CDKAL1: variants seen among roughly 807,000 people sequenced by gnomAD.
CDKAL1 encodes the protein CDKAL1 threonylcarbamoyladenosine tRNA methylthiotransferase.
In CDKAL1, 32 loss-of-function variants were observed where a neutral mutation model predicts 68.2. That is an observed-to-expected ratio of 0.47 (90% confidence interval 0.35 to 0.63). The LOEUF is 0.63. Among genes scored for constraint, CDKAL1 ranks in the 30% least tolerant of loss-of-function variants. The pLI, the probability that CDKAL1 is intolerant of heterozygous loss-of-function variation, is 0.00. For synonymous variants in CDKAL1, 234 were observed against 244.3 expected (o/e 0.96, Z 0.39); for missense variants, 606 against 696.7 (o/e 0.87, Z 1.47).
At chr6:20,545,904 TTCA>T (rs539482782) in intron 2 of CDKAL1, among the ~76,000 whole-genome samples, 94 of 152,380 alleles carry the variant, frequency 6.2e-4, no homozygotes, top group African/African-American at 2.1e-3. Context: ...TAATAACTTC[TTCA>T]TATTATCTAA....
intron 12 of CDKAL1, among the ~76,000 whole-genome samples, chr6:21,093,296 T>C (rs1773140067): frequency 6.6e-6 from 1 of 152,216 alleles, no homozygotes; most frequent in Non-Finnish European, 1.5e-5. Context: ...ATGCTTTTCA[T>C]CCTAGGATTT....
intron 4 of CDKAL1, among the ~76,000 whole-genome samples, chr6:20,609,246 T>C (rs72830649): frequency 0.11 from 13,612 of 119,298 alleles, 744 homozygotes; most frequent in Non-Finnish European, 0.13. Context: ...CTTCCTTCCT[T>C]CTTCTTCCTC....
chr6:20,836,037 G>A (rs1002240658), intron 8 of CDKAL1, among the ~76,000 whole-genome samples: 8 of 152,046 alleles, frequency 5.3e-5, no homozygotes, highest in Admixed American at 2.0e-4. Flanking sequence ...AGGGACCCAT[G>A]GGTTTCTGCT....
At chr6:20,677,510 C>T (rs113029623) in intron 5 of CDKAL1, among the ~76,000 whole-genome samples, 2,466 of 152,166 alleles carry the variant, frequency 0.016, 69 homozygotes, top group African/African-American at 0.057. Flanking sequence ...CCTCCACCTC[C>T]CAGGTTCAAG....
intron 4 of CDKAL1, among the ~76,000 whole-genome samples, chr6:20,616,261 C>T (rs1417444999): frequency 1.3e-5 from 2 of 151,976 alleles, no homozygotes; most frequent in East Asian, 1.9e-4. Context: ...CTTGGCGATG[C>T]GGGCTCTTTT....
At chr6:20,548,464 T>C (rs547026161) in intron 3 of CDKAL1, 129 bp from the exon 4 acceptor site, 1 of 640,134 alleles carries the variant, frequency 1.6e-6, no homozygotes, top group East Asian at 2.9e-5. Context: ...GCCTGGGAGG[T>C]TGAGGTTGCA....
At chr6:20,877,806 C>G (rs1026691428) in intron 9 of CDKAL1, among the ~76,000 whole-genome samples, 1 of 152,172 alleles carries the variant, frequency 6.6e-6, no homozygotes, top group Non-Finnish European at 1.5e-5. Context: ...CTTAAAATGT[C>G]TGTAGTTGGC....
chr6:20,605,476 T>G (rs949443169), intron 4 of CDKAL1, among the ~76,000 whole-genome samples: 51 of 152,352 alleles, frequency 3.3e-4, no homozygotes, highest in Non-Finnish European at 7.2e-4. Flanking sequence ...CTCCAATTTT[T>G]CTTCTCATTA....
At chr6:21,087,169 G>A (rs758073457) in intron 12 of CDKAL1, among the ~76,000 whole-genome samples, 1 of 152,140 alleles carries the variant, frequency 6.6e-6, no homozygotes, top group Non-Finnish European at 1.5e-5. Flanking sequence ...TCCAAAGACC[G>A]AGCAAGGGAT....
chr6:20,717,308 T>A (rs965863191), intron 5 of CDKAL1, among the ~76,000 whole-genome samples: 1 of 151,852 alleles, frequency 6.6e-6, no homozygotes, highest in Non-Finnish European at 1.5e-5. Context: ...TACATGCGTA[T>A]ATTTATGCTA....
At chr6:20,598,601 A>T (rs1427198634) in intron 4 of CDKAL1, among the ~76,000 whole-genome samples, 1 of 152,176 alleles carries the variant, frequency 6.6e-6, no homozygotes, top group Non-Finnish European at 1.5e-5. Context: ...AGAGATATCT[A>T]TTGTGTTCAT....
In CDKAL1 at chr6:21,156,801, G is replaced by A. The variant is rs147273998; in HGVS notation, c.1300-41220G>A. On this transcript the variant is annotated intron_variant, in intron 13 of 15. Coordinates refer to ENST00000274695, the MANE Select transcript of CDKAL1 (RefSeq NM_017774.3). Reference sequence around the variant, plus strand: ...GAGAGGTGCAGAGAGATCCCTAGGAGCAAGACTGGTGTGCATGCTGCTGTG... The same window carrying A: ...GAGAGGTGCAGAGAGATCCCTAGGAACAAGACTGGTGTGCATGCTGCTGTG... Among the ~76,000 whole-genome samples the A allele has an allele frequency of 2.1e-3, 322 of 152,196 alleles. 2 individuals carry two copies. Among genetic ancestry groups the A allele is most frequent in the African/African-American group, 7.5e-3 (313 of 41,542 alleles).
In CDKAL1 at chr6:21,114,115, G is replaced by T. The variant is rs576688330; in HGVS notation, c.1299+5652G>T. Among the ~76,000 whole-genome samples the T allele has an allele frequency of 1.1e-3, 173 of 151,906 alleles. 1 individual carries two copies. The highest frequency in any genetic ancestry group is 3.9e-3 in the African/African-American group (163 of 41,450). On this transcript the variant is annotated intron_variant, in intron 13 of 15. Coordinates refer to ENST00000274695, the MANE Select transcript of CDKAL1 (RefSeq NM_017774.3). ...CAGAAAAAATTAGCCGGGCGTGGTGGCCGGCGCCTGTAGTCCCCGCTACTC... is the reference window on the plus strand; with the variant it reads ...CAGAAAAAATTAGCCGGGCGTGGTGTCCGGCGCCTGTAGTCCCCGCTACTC...
chr6:20,799,040 G>GGT (rs772767946), intron 8 of CDKAL1, among the ~76,000 whole-genome samples: 14 of 47,506 alleles, frequency 2.9e-4, no homozygotes, highest in East Asian at 2.5e-3. Context: ...AAAGAACTGA[G>GGT]TTTTTTTTTT....
At chr6:20,657,828 C>G (rs940772346) in intron 5 of CDKAL1, among the ~76,000 whole-genome samples, 1 of 152,022 alleles carries the variant, frequency 6.6e-6, no homozygotes, top group Non-Finnish European at 1.5e-5. Context: ...GCCTTTTCAC[C>G]TTAGAAATCT....
chr6:21,112,927 T>A (rs1237752636), intron 13 of CDKAL1, among the ~76,000 whole-genome samples: 1 of 152,214 alleles, frequency 6.6e-6, no homozygotes, highest in East Asian at 1.9e-4. Context: ...AATCTTTTTT[T>A]AAAACAAATC....
chr6:20,958,236 T>G (rs1319799291), intron 10 of CDKAL1, among the ~76,000 whole-genome samples: 1 of 152,128 alleles, frequency 6.6e-6, no homozygotes, highest in African/African-American at 2.4e-5. Context: ...AACAAAGATA[T>G]GCAAGAATCA....
intron 10 of CDKAL1, among the ~76,000 whole-genome samples, chr6:20,980,974 G>A (rs1581956605): frequency 6.6e-6 from 1 of 152,322 alleles, no homozygotes; most frequent in South Asian, 2.1e-4. Flanking sequence ...ATAGTGCAAA[G>A]TTACACTCAA....
chr6:21,123,851 A>G (rs1774851547), intron 13 of CDKAL1, among the ~76,000 whole-genome samples: 3 of 152,368 alleles, frequency 2.0e-5, no homozygotes, highest in South Asian at 2.1e-4. Context: ...AAATACTATC[A>G]CAGTCTGCAC....
Sources: gnomAD v4.1 joint callset for allele counts (sites outside exome capture counted in the v4.1 genomes callset) on GRCh38, gnomAD v4.1.1 for gene constraint, MANE v1.5 for transcripts, NCBI Gene and HGNC (gene_info 2026-07-23, HGNC 2026-07-21) for gene names.